The following LAMP5 variants were observed in gnomAD, a reference collection of about 807,000 sequenced individuals.
LAMP5 encodes lysosome-associated membrane glycoprotein 5.
LAMP5 carries 36 observed loss-of-function variants against 30.2 expected under a neutral mutation model. That is an observed-to-expected ratio of 1.19 (90% confidence interval 0.91 to 1.57). LAMP5 has a LOEUF of 1.57. Ranked by LOEUF, LAMP5 falls within the 40% of genes most tolerant of loss-of-function variation. LAMP5 has a pLI of 0.00. For missense variants in LAMP5, 377 were observed against 354.9 expected (o/e 1.06, Z -0.50); for synonymous variants, 149 against 134.6 (o/e 1.11, Z -0.74).
intron 5 of LAMP5, among the ~76,000 whole-genome samples, chr20:9,527,008 C>G (rs995121660): frequency 6.6e-6 from 1 of 151,400 alleles, no homozygotes; most frequent in Admixed American, 6.6e-5. Flanking sequence ...TCACCACAAT[C>G]AAGAAATCAA....
Position 9,530,081 on chromosome 20 carries a change from A to C in LAMP5, c.*261A>C. On this transcript the variant is annotated 3_prime_UTR_variant, in exon 6 of 6. Transcript: ENST00000246070. Reference sequence around the variant, plus strand: ...AGGGTCTCAGACAGCTTTCGTGCTCATGGTGGCTTGGCTTTGACTCTCCAA... The same window carrying C: ...AGGGTCTCAGACAGCTTTCGTGCTCCTGGTGGCTTGGCTTTGACTCTCCAA... The C allele has an allele frequency of 3.0e-6, 1 of 328,258 alleles. No homozygotes were observed. The highest frequency in any genetic ancestry group is 5.6e-6 in the Non-Finnish European group (1 of 177,160). 20.3% of individuals were successfully genotyped at this position (328,258 alleles called of 1,614,324 possible).
At position 9,516,322 on chromosome 20, in the gene LAMP5, G is replaced by C. The variant is rs1266747130; in HGVS notation, c.436G>C (p.Asp146His). ...WRLSKVQFVY[D>H]SSEKTHFKDA... Reference sequence around the variant, plus strand: ...GCTGAGCAAAGTGCAGTTTGTCTACGACTCCTCGGAGAAAACCCACTTCAA... The same window carrying C: ...GCTGAGCAAAGTGCAGTTTGTCTACCACTCCTCGGAGAAAACCCACTTCAA... The change falls in exon 4 of 6, where the codon GAC (aspartate) becomes CAC (histidine). Residue 146 changes from aspartate (D) to histidine (H), a missense_variant. Asp to His is a moderately conservative substitution (Grantham distance 81). Coordinates refer to ENST00000246070, the MANE Select transcript of LAMP5 (RefSeq NM_012261.4). 2 of 1,614,160 alleles carry C rather than the reference G, an allele frequency of 1.2e-6. No homozygotes were observed. The highest frequency in any genetic ancestry group is 1.7e-6 in the Non-Finnish European group (2 of 1,180,038).
At chr20:9,526,215 T>G (rs1395689848) in intron 5 of LAMP5, among the ~76,000 whole-genome samples, 2 of 152,230 alleles carry the variant, frequency 1.3e-5, no homozygotes, top group Non-Finnish European at 2.9e-5. Context: ...TAACACAGAC[T>G]TAGCCTTATT....
In LAMP5 at chr20:9,530,320, G is replaced by A. The variant is rs1202440609; in HGVS notation, c.*500G>A. On this transcript the variant is annotated 3_prime_UTR_variant, in exon 6 of 6. Transcript: ENST00000246070. ...ACCCCTGAAAGTGATTCATGCTTCT[G>A]GCTGGCATTCTGCATGTTTAGTGAT... 6.5e-6 allele frequency: 1 copy of A among 152,934 alleles called. No homozygotes were observed. Among genetic ancestry groups the A allele is most frequent in the African/African-American group, 2.4e-5 (1 of 41,434 alleles). The allele number at this position is 152,934 out of a possible 1,614,324, so 9.5% of individuals were successfully genotyped here.
chr20:9,514,717 T>C lies in LAMP5; in HGVS notation c.-136T>C. 1 of 665,048 alleles carries C rather than the reference T, an allele frequency of 1.5e-6. No individual in the cohort carries two copies. The highest frequency in any genetic ancestry group is 1.8e-5 in the African/African-American group (1 of 54,130). 41.2% of individuals were successfully genotyped at this position (665,048 alleles called of 1,614,324 possible). A position where few individuals can be genotyped will look rare whatever the true frequency, so the allele number is the denominator to read the frequency against. ...GAGTCCTAGCTAGGCGCTCACAGAA[T>C]ACGCGCTCCCTCCCTCCCCCTTCTC... On this transcript the variant is annotated 5_prime_UTR_variant, in exon 1 of 6. Transcript: ENST00000246070.
chr20:9,525,208 C>T (rs958702744), intron 5 of LAMP5, among the ~76,000 whole-genome samples: 2 of 152,102 alleles, frequency 1.3e-5, no homozygotes, highest in Non-Finnish European at 2.9e-5. Context: ...GGATGTGAGA[C>T]ATTCTTTTTT....
chr20:9,517,043 A>G (rs1422469473), intron 4 of LAMP5, among the ~76,000 whole-genome samples: 2 of 152,290 alleles, frequency 1.3e-5, no homozygotes, highest in Middle Eastern at 3.4e-3. Flanking sequence ...TGTCTATTTC[A>G]CTCATAATGA....
At chr20:9,526,157 G>C (rs1037794659) in intron 5 of LAMP5, among the ~76,000 whole-genome samples, 2 of 152,094 alleles carry the variant, frequency 1.3e-5, no homozygotes, top group African/African-American at 2.4e-5. Flanking sequence ...AAGGTCCTGA[G>C]GGCTTTGCTA....
intron 5 of LAMP5, among the ~76,000 whole-genome samples, chr20:9,521,832 A>G (rs1246197403): frequency 6.6e-6 from 1 of 152,206 alleles, no homozygotes; most frequent in Admixed American, 6.5e-5. Context: ...GTCAGAAAAA[A>G]TATAATAGAA....
At chr20:9,516,952 C>G (rs1018205682) in intron 4 of LAMP5, among the ~76,000 whole-genome samples, 3 of 152,144 alleles carry the variant, frequency 2.0e-5, no homozygotes, top group Admixed American at 6.5e-5. Flanking sequence ...GCAAAACGAG[C>G]GTTCATCCCC....
Position 9,514,613 on chromosome 20 carries a change from C to G in LAMP5, c.-240C>G, listed in dbSNP as rs1008744279. 15 of 547,982 alleles carry G rather than the reference C, an allele frequency of 2.7e-5. No homozygotes were observed. Among genetic ancestry groups the G allele is most frequent in the Non-Finnish European group, 4.2e-5 (13 of 307,820 alleles). 33.9% of individuals were successfully genotyped at this position (547,982 alleles called of 1,614,324 possible). A position where few individuals can be genotyped will look rare whatever the true frequency, so the allele number is the denominator to read the frequency against. ...TCGGATTGCTTTCAGCACTCGCAGCCGTGGACCGCCGTGCGGTCCTTTCCT... is the reference window on the plus strand; with the variant it reads ...TCGGATTGCTTTCAGCACTCGCAGCGGTGGACCGCCGTGCGGTCCTTTCCT... On this transcript the variant is annotated 5_prime_UTR_variant, in exon 1 of 6. Transcript: ENST00000246070.
At chr20:9,525,934 C>T (rs942129862) in intron 5 of LAMP5, among the ~76,000 whole-genome samples, 1 of 152,222 alleles carries the variant, frequency 6.6e-6, no homozygotes, top group African/African-American at 2.4e-5. Context: ...GTATTTCGGG[C>T]TTCTGGCTGA....
chr20:9,522,538 A>G (rs1248761833), intron 5 of LAMP5, among the ~76,000 whole-genome samples: 1 of 152,104 alleles, frequency 6.6e-6, no homozygotes, highest in Non-Finnish European at 1.5e-5. Context: ...TGTGTTGAGG[A>G]CTCCAAGATG....
chr20:9,529,898 G>A lies in LAMP5; in HGVS notation c.*78G>A, dbSNP rs2045139280. On this transcript the variant is annotated 3_prime_UTR_variant, in exon 6 of 6. Transcript: ENST00000246070. ...AACAACAAAAGCACTTTTCCATCTT[G>A]TACACGAGATACACCAACATAGCTA... is the stretch of plus-strand genomic sequence containing the variant. The A allele has an allele frequency of 1.4e-6, 2 of 1,413,438 alleles. No individual in the cohort carries two copies. Among genetic ancestry groups the A allele is most frequent in the African/African-American group, 1.4e-5 (1 of 70,882 alleles). 87.6% of individuals were successfully genotyped at this position (1,413,438 alleles called of 1,614,324 possible).
chr20:9,522,483 T>A (rs1158041892), intron 5 of LAMP5, among the ~76,000 whole-genome samples: 1 of 152,144 alleles, frequency 6.6e-6, no homozygotes, highest in Non-Finnish European at 1.5e-5. Flanking sequence ...GCCTCCTGAG[T>A]AAGCAGCCAA....
At chr20:9,524,473 T>TG (rs887417745) in intron 5 of LAMP5, among the ~76,000 whole-genome samples, 1 of 148,324 alleles carries the variant, frequency 6.7e-6, no homozygotes, top group African/African-American at 2.5e-5. Context: ...TGTAAAATAT[T>TG]GTTTTTTTTT....
Position 9,529,722 on chromosome 20 carries a change from A to AT in LAMP5, c.746dup (p.Met250HisfsTer28), listed in dbSNP as rs1295481455. 1.2e-6 allele frequency: 2 copies of AT among 1,614,096 alleles called. No homozygotes were observed. Among genetic ancestry groups the AT allele is most frequent in the Admixed American group, 3.3e-5 (2 of 60,008 alleles). On this transcript the variant is annotated frameshift_variant, in exon 6 of 6. Transcript: ENST00000246070. LOFTEE classifies it high-confidence loss of function. Reference sequence around the variant, plus strand: ...TTTGGGGCTCATCTTGGGCCTCGTCATCATGGTAACACTCGCGATTTACCA... The same window carrying AT: ...TTTGGGGCTCATCTTGGGCCTCGTCATTCATGGTAACACTCGCGATTTACCA...
chr20:9,521,932 T>C (rs2045082084), intron 5 of LAMP5, among the ~76,000 whole-genome samples: 1 of 152,180 alleles, frequency 6.6e-6, no homozygotes, highest in Non-Finnish European at 1.5e-5. Context: ...CCTTTTTAAT[T>C]CTCTCTCAAG....
chr20:9,514,867 A>T lies in LAMP5; in HGVS notation c.15A>T (p.Gly5=), dbSNP rs545664199. Residue 5 remains glycine (G), a synonymous_variant, in exon 1 of 6, where the codon GGA becomes GGT. Coordinates refer to ENST00000246070, the MANE Select transcript of LAMP5 (RefSeq NM_012261.4). The part of the protein sequence containing the change: MDLQ[G]RGVPSIDRLR... ...GCACTGCGAGTATGGATCTCCAAGG[A>T]AGAGGGGTCCCCAGCATCGACAGAC... 6.2e-7 allele frequency: 1 copy of T among 1,614,086 alleles called. No homozygotes were observed. The highest frequency in any genetic ancestry group is 2.2e-5 in the East Asian group (1 of 44,874).
Sources: gnomAD v4.1 joint callset for allele counts (sites outside exome capture counted in the v4.1 genomes callset) on GRCh38, gnomAD v4.1.1 for gene constraint, MANE v1.5 for transcripts, NCBI Gene and HGNC (gene_info 2026-07-23, HGNC 2026-07-21) for gene names.